The following COL4A1 variants were observed in gnomAD, a reference collection of about 807,000 sequenced individuals.
The protein encoded by COL4A1 is collagen type IV alpha 1 chain, also known as collagen alpha-1(IV) chain.
Under a neutral mutation model 216.6 loss-of-function variants are expected in COL4A1, and 40 were observed. The ratio of observed to expected loss-of-function variants is 0.18; its 90% CI spans 0.14 to 0.24. The LOEUF (loss-of-function observed/expected upper bound fraction) is 0.24. Ranked by LOEUF, COL4A1 falls within the 10% of genes least tolerant of loss-of-function variation. COL4A1 has a pLI of 1.00. For synonymous variants in COL4A1, 839 were observed against 810.7 expected (o/e 1.03, Z -0.59); for missense variants, 1,628 against 2,196.8 (o/e 0.74, Z 5.18).
intron 2 of COL4A1, among the ~76,000 whole-genome samples, chr13:110,241,217 G>A (rs1407262707): frequency 3.3e-5 from 5 of 152,184 alleles, no homozygotes; most frequent in Admixed American, 3.3e-4. Context: ...AAGAAAGTAT[G>A]TAAAGCTCCA....
intron 2 of COL4A1, among the ~76,000 whole-genome samples, chr13:110,227,116 T>C (rs1041031957): frequency 6.6e-6 from 1 of 152,214 alleles, no homozygotes; most frequent in Non-Finnish European, 1.5e-5. Context: ...ATGCCTACTT[T>C]GTAGACGTTT....
intron 20 of COL4A1, among the ~76,000 whole-genome samples, chr13:110,199,600 A>G (rs1248141040): frequency 6.6e-6 from 1 of 152,160 alleles, no homozygotes; most frequent in Non-Finnish European, 1.5e-5. Flanking sequence ...GGCCAACCAG[A>G]CCCTCAGGGT....
intron 1 of COL4A1, among the ~76,000 whole-genome samples, chr13:110,243,764 T>C (rs573805288): frequency 1.1e-4 from 17 of 152,358 alleles, no homozygotes; most frequent in Admixed American, 2.0e-4. Context: ...TCTTATTTAA[T>C]GATCATAACA....
intron 2 of COL4A1, among the ~76,000 whole-genome samples, chr13:110,235,414 G>C (rs1389319181): frequency 6.6e-6 from 1 of 152,194 alleles, no homozygotes; most frequent in African/African-American, 2.4e-5. Context: ...ACTTTGGGAG[G>C]CTGAGGCGGG....
intron 1 of COL4A1, among the ~76,000 whole-genome samples, chr13:110,270,083 GA>G (rs1883191340): frequency 6.6e-6 from 1 of 152,126 alleles, no homozygotes; most frequent in Non-Finnish European, 1.5e-5. Flanking sequence ...TTGTTGGTTT[GA>G]GTTTGAAATA....
intron 49 of COL4A1, 151 bp from the exon 50 acceptor site, chr13:110,155,548 ACT>A (rs1362686556): frequency 1.6e-5 from 11 of 703,364 alleles, no homozygotes; most frequent in Non-Finnish European, 2.8e-5. Flanking sequence ...CATTGCTTAG[ACT>A]CTGAGGTTTA....
intron 2 of COL4A1, among the ~76,000 whole-genome samples, chr13:110,230,162 G>A (rs541288438): frequency 5.3e-5 from 8 of 151,236 alleles, no homozygotes; most frequent in South Asian, 2.1e-4. Context: ...AAGAAAGTGC[G>A]TGTGTGTGTG....
chr13:110,198,082 T>G (rs923254778), intron 21 of COL4A1, among the ~76,000 whole-genome samples: 3 of 135,032 alleles, frequency 2.2e-5, no homozygotes, highest in African/African-American at 7.3e-5. Context: ...TTCTGGGGTG[T>G]GTGTGTGTGT....
chr13:110,201,578 A>G, intron 18 of COL4A1, 56 bp from the exon 19 acceptor site: 1 of 1,399,462 alleles, frequency 7.1e-7, no homozygotes. Context: ...CTAGTCCTGT[A>G]TAGTAAAGCA....
In COL4A1 at chr13:110,167,656, T is replaced by C. The variant is rs535713771; in HGVS notation, c.3877-426A>G. Among the ~76,000 whole-genome samples the C allele has an allele frequency of 9.2e-5, 14 of 152,360 alleles. No homozygotes were observed. In the South Asian group the frequency reaches 1.9e-3, roughly 20 times the overall value. On this transcript the variant is annotated intron_variant, in intron 43 of 51. Transcript: ENST00000375820. ...ATCCTCAAGTGCAATCAGTTTTCTT[T>C]AGAATTAGTTTCATGTCTTATCTGA... is the stretch of plus-strand genomic sequence containing the variant.
chr13:110,197,335 TC>T (rs1183795351), intron 21 of COL4A1, among the ~76,000 whole-genome samples: 1 of 151,826 alleles, frequency 6.6e-6, no homozygotes, highest in African/African-American at 2.4e-5. Flanking sequence ...GAATACTTGC[TC>T]CAGGACAGCA....
At chr13:110,298,191 T>C (rs141380559) in intron 1 of COL4A1, among the ~76,000 whole-genome samples, 158 of 152,354 alleles carry the variant, frequency 1.0e-3, no homozygotes, top group Middle Eastern at 3.4e-3. Flanking sequence ...ACAATCTTAT[T>C]ATTTTCAAGT....
At chr13:110,243,257 G>A (rs1490363725) in intron 1 of COL4A1, among the ~76,000 whole-genome samples, 1 of 151,882 alleles carries the variant, frequency 6.6e-6, no homozygotes, top group African/African-American at 2.4e-5. Context: ...ACTCCTTTTT[G>A]AATTCAATTA....
At chr13:110,177,256 C>T (rs1357115634) in intron 33 of COL4A1, among the ~76,000 whole-genome samples, 1 of 152,200 alleles carries the variant, frequency 6.6e-6, no homozygotes, top group Non-Finnish European at 1.5e-5. Context: ...TCATTATTCG[C>T]TAATAACTCT....
rs775810147 is a variant in COL4A1, at chr13:110,170,618, G to A, written c.3671C>T (p.Pro1224Leu). The A allele has an allele frequency of 6.9e-5, 112 of 1,612,116 alleles. No homozygotes were observed. Among genetic ancestry groups the A allele is most frequent in the Non-Finnish European group, 8.5e-5 (100 of 1,179,212 alleles). Residue 1224 changes from proline (P) to leucine (L), a missense_variant, in exon 42 of 52, where the codon CCG becomes CTG. By Grantham distance (98) the Pro-to-Leu change is moderately conservative. Coordinates refer to ENST00000375820, the MANE Select transcript of COL4A1 (RefSeq NM_001845.6). The stretch of plus-strand genomic sequence containing the variant: ...CTCCGTGGCATGGCCTGGGGATCCC[G>A]GTAACCCCGGCTGTCCCTGGGGCCC... The part of the protein sequence containing the change: ...PPGPQGQPGL[P>L]GSPGHATEGP...
chr13:110,219,595 C>A (rs1394480230), intron 2 of COL4A1, among the ~76,000 whole-genome samples: 2 of 150,116 alleles, frequency 1.3e-5, no homozygotes, highest in African/African-American at 4.9e-5. Context: ...CACATACAGA[C>A]GCACCTCAGC....
intron 41 of COL4A1, among the ~76,000 whole-genome samples, chr13:110,172,307 A>G (rs1877683076): frequency 6.6e-6 from 1 of 152,188 alleles, no homozygotes; most frequent in Non-Finnish European, 1.5e-5. Flanking sequence ...TGCACTTAGT[A>G]CTGAGCACAT....
chr13:110,274,072 T>A (rs188828288), intron 1 of COL4A1, among the ~76,000 whole-genome samples: 122 of 152,348 alleles, frequency 8.0e-4, no homozygotes, highest in Admixed American at 2.6e-3. Context: ...GATAAATATT[T>A]ATTAAATGCC....
intron 50 of COL4A1, among the ~76,000 whole-genome samples, chr13:110,154,659 A>T (rs1192663154): frequency 6.6e-6 from 1 of 152,296 alleles, no homozygotes; most frequent in African/African-American, 2.4e-5. Flanking sequence ...GAAGCTGCTC[A>T]TAGAGAGAAG....
Sources: gnomAD v4.1 joint callset for allele counts (sites outside exome capture counted in the v4.1 genomes callset) on GRCh38, gnomAD v4.1.1 for gene constraint, MANE v1.5 for transcripts, NCBI Gene and HGNC (gene_info 2026-07-23, HGNC 2026-07-21) for gene names.